IFFO2: variants seen among roughly 807,000 people sequenced by gnomAD.
IFFO2 encodes intermediate filament family orphan 2.
IFFO2 carries 19 observed loss-of-function variants against 53.5 expected under a neutral mutation model. The ratio of observed to expected loss-of-function variants is 0.36; its 90% CI spans 0.25 to 0.52. The LOEUF (loss-of-function observed/expected upper bound fraction) is 0.52, where lower values mean the gene tolerates loss of function less well. Among genes scored for constraint, IFFO2 ranks in the 20% least tolerant of loss-of-function variants. The pLI is 0.94. For synonymous variants in IFFO2, 303 were observed against 313.6 expected, an observed-to-expected ratio of 0.97 and a Z score of 0.36; for missense variants, 570 against 727.4, an observed-to-expected ratio of 0.78 and a Z score of 2.49.
intron 1 of IFFO2, among the ~76,000 whole-genome samples, chr1:18,943,571 T>C (rs1190619308): frequency 6.6e-6 from 1 of 152,140 alleles, no homozygotes; most frequent in East Asian, 1.9e-4. Context: ...AACCCAGAGA[T>C]AAGGAGACAG....
rs1448169654 is a variant in IFFO2, at chr1:18,955,983, G to T, written c.350C>A (p.Pro117Gln). Residue 117 changes from proline to glutamine, a missense_variant, in exon 1 of 9, where the codon CCG becomes CAG. Coordinates refer to ENST00000455833, the MANE Select transcript of IFFO2 (RefSeq NM_001136265.2). ...GAGGCCGTGCCCGCCGCCGGGCGCC[G>T]GGGGCCGCAGCAACTCGGGCCCGGT... The part of the protein sequence containing the change: ...VQTGPELLRP[P>Q]APGGGHGLSS... 1 of 1,318,678 alleles carries T rather than the reference G, an allele frequency of 7.6e-7. No individual in the cohort carries two copies. The highest frequency in any genetic ancestry group is 9.8e-7 in the Non-Finnish European group (1 of 1,021,012). The allele number at this position is 1,318,678 out of a possible 1,614,324, so 81.7% of individuals were successfully genotyped here.
intron 1 of IFFO2, among the ~76,000 whole-genome samples, chr1:18,942,447 G>A (rs182861231): frequency 6.6e-5 from 10 of 152,134 alleles, no homozygotes; most frequent in Admixed American, 2.6e-4. Context: ...AACAGCTGAG[G>A]GGCCAGCAGC....
At chr1:18,938,706 C>T (rs532081750) in intron 1 of IFFO2, among the ~76,000 whole-genome samples, 1 of 152,308 alleles carries the variant, frequency 6.6e-6, no homozygotes, top group South Asian at 2.1e-4. Context: ...TCCCCCACCT[C>T]ACACCTAGGG....
At position 18,946,576 on chromosome 1, in the gene IFFO2, G is replaced by A. The variant is rs544656155; in HGVS notation, c.665+9092C>T. ...ATTACAGGTGCCTGCCACCATGCCC[G>A]GCTAATTTTTTTGTATTTTTTTTGT... On this transcript the variant is annotated intron_variant, in intron 1 of 8. Coordinates refer to ENST00000455833, the MANE Select transcript of IFFO2 (RefSeq NM_001136265.2). Among the ~76,000 whole-genome samples, 27 of 151,968 alleles carry A rather than the reference G, an allele frequency of 1.8e-4. No homozygotes were observed. In the East Asian group the frequency reaches 5.0e-3, roughly 28 times the overall value.
intron 1 of IFFO2, among the ~76,000 whole-genome samples, chr1:18,923,491 T>TG (rs1327729483): frequency 6.6e-6 from 1 of 152,208 alleles, no homozygotes; most frequent in Non-Finnish European, 1.5e-5. Flanking sequence ...AACCATTAAC[T>TG]GGGGGGTACG....
At chr1:18,937,345 G>A (rs1050829985) in intron 1 of IFFO2, among the ~76,000 whole-genome samples, 16 of 152,160 alleles carry the variant, frequency 1.1e-4, no homozygotes, top group South Asian at 4.1e-4. Context: ...CTGCAAACAC[G>A]CGCACCAAAA....
rs1443105545 is a variant in IFFO2 at position 18,940,534 on chromosome 1, TGGATGGATGGACAGACTGATGGACAAAC to T, written c.665+15106_665+15133del. ...CTGAGCACCGTGGCCCAGAAAAGGATGGATGGATGGACAGACTGATGGACAAACGGATGGATGGATGGATGGATGGATG... is the reference window on the plus strand; with the variant it reads ...CTGAGCACCGTGGCCCAGAAAAGGATGGATGGATGGATGGATGGATGGATG... On this transcript the variant is annotated intron_variant, in intron 1 of 8. Coordinates refer to ENST00000455833, the MANE Select transcript of IFFO2 (RefSeq NM_001136265.2). Among the ~76,000 whole-genome samples the T allele has an allele frequency of 2.1e-4, 31 of 151,170 alleles. No individual in the cohort carries two copies. The East Asian group carries it at 5.7e-3, about 28-fold the overall frequency.
At chr1:18,948,768 G>T (rs542956201) in intron 1 of IFFO2, among the ~76,000 whole-genome samples, 1 of 152,332 alleles carries the variant, frequency 6.6e-6, no homozygotes, top group South Asian at 2.1e-4. Flanking sequence ...CCAGTTTCCA[G>T]CTTGGTTCTC....
At chr1:18,935,571 A>G (rs1936437248) in intron 1 of IFFO2, among the ~76,000 whole-genome samples, 1 of 150,730 alleles carries the variant, frequency 6.6e-6, no homozygotes, top group South Asian at 2.1e-4. Context: ...GGCTGACCCG[A>G]CTCCTTGGTC....
rs536323572 is a variant in IFFO2, at chr1:18,919,604, C to T, written c.822+74G>A. On this transcript the variant is annotated intron_variant, in intron 3 of 8. Coordinates refer to ENST00000455833, the MANE Select transcript of IFFO2 (RefSeq NM_001136265.2). This position sits in a 1 kb window ranked among gnomAD's most constrained non-coding sequence, Gnocchi z 4.9. Reference sequence around the variant, plus strand: ...AACTAGAAGCCGAGCCCCGGAGCCTCGGAGGGAATGAAGCATTTTGCATGA... The same window carrying T: ...AACTAGAAGCCGAGCCCCGGAGCCTTGGAGGGAATGAAGCATTTTGCATGA... The T allele has an allele frequency of 1.7e-5, 17 of 1,014,462 alleles. No homozygotes were observed. The highest frequency in any genetic ancestry group is 1.3e-4 in the African/African-American group (8 of 62,828). 62.8% of individuals were successfully genotyped at this position (1,014,462 alleles called of 1,614,324 possible). A position where few individuals can be genotyped will look rare whatever the true frequency, so the allele number is the denominator to read the frequency against.
Position 18,908,141 on chromosome 1 carries a change from G to C in IFFO2, c.*420C>G, listed in dbSNP as rs931548810. On this transcript the variant is annotated 3_prime_UTR_variant, in exon 9 of 9. Coordinates refer to ENST00000455833, the MANE Select transcript of IFFO2 (RefSeq NM_001136265.2). ...TAGCCCATGGCCAATCAGAGGAGCA[G>C]GTGGGACGGACGGCAGAAACCACAT... 1 of 215,466 alleles carries C rather than the reference G, an allele frequency of 4.6e-6. No homozygotes were observed. Among genetic ancestry groups the C allele is most frequent in the Non-Finnish European group, 9.6e-6 (1 of 104,016 alleles). The allele number at this position is 215,466 out of a possible 1,614,324, so 13.3% of individuals were successfully genotyped here.
chr1:18,919,592 G>GC lies in IFFO2; in HGVS notation c.822+85dup. ...AGCCAGGATTCTAACTAGAAGCCGA[G>GC]CCCCGGAGCCTCGGAGGGAATGAAG... On this transcript the variant is annotated intron_variant, in intron 3 of 8. Coordinates refer to ENST00000455833, the MANE Select transcript of IFFO2 (RefSeq NM_001136265.2). The surrounding 1 kb of genome is among the most constrained non-coding windows in gnomAD (Gnocchi z 4.9). 1.1e-6 allele frequency: 1 copy of GC among 888,298 alleles called. No homozygotes were observed. Among genetic ancestry groups the GC allele is most frequent in the Non-Finnish European group, 1.8e-6 (1 of 545,648 alleles). The allele number at this position is 888,298 out of a possible 1,614,324, so 55.0% of individuals were successfully genotyped here.
At position 18,912,082 on chromosome 1, in the gene IFFO2, G is replaced by T; in HGVS notation, c.1105C>A (p.Arg369=). Residue 369 remains arginine, a splice_region_variant and synonymous_variant, in exon 6 of 9, where the codon CGG becomes AGG. Coordinates refer to ENST00000455833, the MANE Select transcript of IFFO2 (RefSeq NM_001136265.2). The part of the protein sequence containing the change: ...DEMKRMFNQL[R]ETFDFDDDCD... ...TCGTCGTCAAAGTCAAAGGTCTCCC[G>T]CCTGTGGGGGTGACACCAGAGGGCA... 1.3e-6 allele frequency: 2 copies of T among 1,551,488 alleles called. No homozygotes were observed. The highest frequency in any genetic ancestry group is 8.7e-7 in the Non-Finnish European group (1 of 1,146,850).
intron 1 of IFFO2, among the ~76,000 whole-genome samples, chr1:18,951,509 T>C (rs111441639): frequency 2.0e-4 from 31 of 152,284 alleles, no homozygotes; most frequent in African/African-American, 7.0e-4. Context: ...CCAGGATGGC[T>C]GGACAGGCTT....
At chr1:18,914,576 G>A (rs1354423554) in intron 5 of IFFO2, among the ~76,000 whole-genome samples, 1 of 152,162 alleles carries the variant, frequency 6.6e-6, no homozygotes, top group Non-Finnish European at 1.5e-5. Context: ...CAGGACTTCG[G>A]GAGGCCAAGG....
In IFFO2 at chr1:18,917,149, TG is replaced by T; in HGVS notation, c.964-108del. ...CATCTCACAGGATGATGAGCGTGAC[TG>T]GGGCCGGCCAGTGCCAGGAAAGGTG... On this transcript the variant is annotated intron_variant, in intron 4 of 8. Transcript: ENST00000455833. This position sits in a 1 kb window ranked among gnomAD's most constrained non-coding sequence, Gnocchi z 5.9. The T allele has an allele frequency of 7.7e-7, 1 of 1,306,512 alleles. No individual in the cohort carries two copies. Among genetic ancestry groups the T allele is most frequent in the Non-Finnish European group, 1.0e-6 (1 of 954,296 alleles). 80.9% of individuals were successfully genotyped at this position (1,306,512 alleles called of 1,614,324 possible).
At chr1:18,909,610 AG>A (rs577355998) in intron 8 of IFFO2, among the ~76,000 whole-genome samples, 5 of 152,000 alleles carry the variant, frequency 3.3e-5, no homozygotes, top group African/African-American at 4.8e-5. Flanking sequence ...TGGTTTTATA[AG>A]GGGGGGTTTC....
chr1:18,935,831 A>G (rs1220964572), intron 1 of IFFO2, among the ~76,000 whole-genome samples: 3 of 145,928 alleles, frequency 2.1e-5, no homozygotes, highest in Non-Finnish European at 4.5e-5. Flanking sequence ...CTGGGATTAT[A>G]GGTGCATGCC....
intron 1 of IFFO2, among the ~76,000 whole-genome samples, chr1:18,941,858 C>T (rs1440085269): frequency 6.6e-6 from 1 of 152,168 alleles, no homozygotes; most frequent in African/African-American, 2.4e-5. Context: ...GGGAAAGATT[C>T]CCCCATTCAT....
Sources: allele counts gnomAD v4.1 joint callset (sites outside exome capture counted in the v4.1 genomes callset), GRCh38; gene constraint gnomAD v4.1.1; non-coding constraint Gnocchi (gnomAD v3.1); transcripts MANE v1.5; gene names NCBI Gene and HGNC (gene_info 2026-07-23, HGNC 2026-07-21).